The following KIRREL3 variants were observed in gnomAD, a reference collection of about 807,000 sequenced individuals.
The protein encoded by KIRREL3 is kin of IRRE-like protein 3.
Under a neutral mutation model 89.7 loss-of-function variants are expected in KIRREL3, and 36 were observed. The observed-to-expected ratio is 0.40, with a 90% CI of 0.31 to 0.53. The LOEUF (loss-of-function observed/expected upper bound fraction) is 0.53. Among genes scored for constraint, KIRREL3 ranks in the 20% least tolerant of loss-of-function variants. The pLI, the probability that KIRREL3 is intolerant of heterozygous loss-of-function variation, is 0.49. For missense variants in KIRREL3, 864 were observed against 1,056.6 expected (o/e 0.82, Z 2.53); for synonymous variants, 445 against 441.4 (o/e 1.01, Z -0.10).
At position 126,424,358 on chromosome 11, in the gene KIRREL3, C is replaced by A; in HGVS notation, c.*222G>T. 2 of 566,042 alleles carry A rather than the reference C, an allele frequency of 3.5e-6. No homozygotes were observed. Among genetic ancestry groups the A allele is most frequent in the Non-Finnish European group, 6.3e-6 (2 of 315,578 alleles). 35.1% of individuals were successfully genotyped at this position (566,042 alleles called of 1,614,324 possible). ...CTAAGCACAGCGCACTCAGCCGCAG[C>A]CTCTGTCTGTCTCCCCACCCGCCCA... On this transcript the variant is annotated 3_prime_UTR_variant, in exon 17 of 17. Coordinates refer to ENST00000525144, the MANE Select transcript of KIRREL3 (RefSeq NM_032531.4).
Position 126,655,220 on chromosome 11 carries a change from A to G in KIRREL3, c.56-92308T>C, listed in dbSNP as rs1417273014. On this transcript the variant is annotated intron_variant, in intron 1 of 16. Transcript: ENST00000525144. This position sits in a 1 kb window ranked among gnomAD's most constrained non-coding sequence, Gnocchi z 5.0. Reference sequence around the variant, plus strand: ...GGAGATTAGTCACTTGAGTCAGGATAATTTTTCCTGATGTCAAAGCCTCAC... The same window carrying G: ...GGAGATTAGTCACTTGAGTCAGGATGATTTTTCCTGATGTCAAAGCCTCAC... Among the ~76,000 whole-genome samples, 1 of 152,198 alleles carries G rather than the reference A, an allele frequency of 6.6e-6. No individual in the cohort carries two copies. The highest frequency in any genetic ancestry group is 2.4e-5 in the African/African-American group (1 of 41,436).
In KIRREL3 at chr11:126,446,808, G is replaced by T; in HGVS notation, c.1076C>A (p.Thr359Asn). ...GSDAIFSCAW[T>N]GNPSLTIVWM... Reference sequence around the variant, plus strand: ...GACGATGGTCAGGGATGGGTTGCCGGTCCAGGCGCAGCTGAAGATGGCATC... The same window carrying T: ...GACGATGGTCAGGGATGGGTTGCCGTTCCAGGCGCAGCTGAAGATGGCATC... Residue 359 changes from threonine (T) to asparagine (N), a missense_variant, in exon 9 of 17, where the codon ACC becomes AAC. By Grantham distance (65) the Thr-to-Asn change is moderately conservative (BLOSUM62 0). Coordinates refer to ENST00000525144, the MANE Select transcript of KIRREL3 (RefSeq NM_032531.4). 1 of 1,601,994 alleles carries T rather than the reference G, an allele frequency of 6.2e-7. No individual in the cohort carries two copies.
chr11:126,512,314 G>A (rs1958250979), intron 4 of KIRREL3, among the ~76,000 whole-genome samples: 1 of 152,206 alleles, frequency 6.6e-6, no homozygotes, highest in African/African-American at 2.4e-5. Flanking sequence ...AAGTACCTGC[G>A]TGCACCAGCG....
intron 1 of KIRREL3, among the ~76,000 whole-genome samples, chr11:126,959,009 T>C (rs758790073): frequency 2.0e-5 from 3 of 152,140 alleles, no homozygotes; most frequent in Non-Finnish European, 4.4e-5. Context: ...ATTCAATCAG[T>C]TGAAGGCTTG....
Position 126,473,802 on chromosome 11 carries a change from T to C in KIRREL3, c.434-336A>G, listed in dbSNP as rs573591530. ...ATGTCTGTGGCTGCTTTTTAACTTC[T>C]TTTTCCTTTTTTCGAGATGAAGTCT... On this transcript the variant is annotated intron_variant, in intron 4 of 16. Transcript: ENST00000525144. Among the ~76,000 whole-genome samples, 83 of 152,146 alleles carry C rather than the reference T, an allele frequency of 5.5e-4. 3 individuals are homozygous for C. The highest frequency in any genetic ancestry group is 2.0e-3 in the African/African-American group (82 of 41,512).
chr11:126,919,637 T>C (rs1203346993), intron 1 of KIRREL3, among the ~76,000 whole-genome samples: 1 of 152,216 alleles, frequency 6.6e-6, no homozygotes, highest in African/African-American at 2.4e-5. Context: ...CATGCTTCAC[T>C]TTGGTGACAC....
At chr11:126,794,833 A>G (rs187873349) in intron 1 of KIRREL3, among the ~76,000 whole-genome samples, 471 of 152,374 alleles carry the variant, frequency 3.1e-3, no homozygotes, top group Non-Finnish European at 5.4e-3. Context: ...ATTGCCAAAA[A>G]TGAAAGCAAC....
At position 126,436,889 on chromosome 11, in the gene KIRREL3, C is replaced by T. The variant is rs1210046793; in HGVS notation, c.1474G>A (p.Asp492Asn). The T allele has an allele frequency of 1.2e-6, 2 of 1,613,630 alleles. No homozygotes were observed. Among genetic ancestry groups the T allele is most frequent in the Non-Finnish European group, 1.7e-6 (2 of 1,179,854 alleles). The part of the protein sequence containing the change: ...TLTISNIVRA[D>N]FQTIYNCTAW... ...GTGCAGTTGTAGATGGTCTGGAAGT[C>T]GGCCCGCACGATGTTGCTGATGGTC... The change falls in exon 12 of 17, where the codon GAC (aspartate) becomes AAC (asparagine). Residue 492 changes from aspartate to asparagine, a missense_variant. By Grantham distance (23) the Asp-to-Asn change is conservative (BLOSUM62 1). Coordinates refer to ENST00000525144, the MANE Select transcript of KIRREL3 (RefSeq NM_032531.4).
rs185960465 is a variant in KIRREL3, at chr11:126,958,170, C to A, written c.55+42285G>T. The stretch of plus-strand genomic sequence containing the variant: ...GTTAACTGATTTCTTCTAGTAGTTG[C>A]AGTTTAAAAAATAATAATAAAAGGA... On this transcript the variant is annotated intron_variant, in intron 1 of 16. Coordinates refer to ENST00000525144, the MANE Select transcript of KIRREL3 (RefSeq NM_032531.4). Among the ~76,000 whole-genome samples, 31 of 152,244 alleles carry A rather than the reference C, an allele frequency of 2.0e-4. No homozygotes were observed. In the East Asian group the frequency reaches 5.2e-3, roughly 26 times the overall value.
At position 126,805,453 on chromosome 11, in the gene KIRREL3, G is replaced by C. The variant is rs12420481; in HGVS notation, c.55+195002C>G. Among the ~76,000 whole-genome samples the C allele has an allele frequency of 0.24, 36,956 of 152,082 alleles. 4,911 individuals carry two copies. Among genetic ancestry groups the C allele is most frequent in the Non-Finnish European group, 0.31 (20,969 of 67,966 alleles). On this transcript the variant is annotated intron_variant, in intron 1 of 16. Transcript: ENST00000525144. The surrounding 1 kb of genome is among the most constrained non-coding windows in gnomAD (Gnocchi z 4.3). ...TAGACAGTTTCCCACACAAGCCTCA[G>C]CCCATCTCATCTGGTTTTGTTCTGA...
Position 126,458,097 on chromosome 11 carries a change from C to T in KIRREL3, c.743-1643G>A, listed in dbSNP as rs75084205. 9.3e-3 allele frequency among the ~76,000 whole-genome samples: 1,419 copies of T among 152,248 alleles called. 17 individuals are homozygous for T. The highest frequency in any genetic ancestry group is 0.031 in the African/African-American group (1,284 of 41,548). On this transcript the variant is annotated intron_variant, in intron 6 of 16. Coordinates refer to ENST00000525144, the MANE Select transcript of KIRREL3 (RefSeq NM_032531.4). ...TTCCCATCCTTTTTCCCTGTCATGG[C>T]CCAGAGCTCTGGCTGAGTTGAGTGG...
At position 126,601,609 on chromosome 11, in the gene KIRREL3, T is replaced by C. The variant is rs1942657339; in HGVS notation, c.56-38697A>G. Reference sequence around the variant, plus strand: ...CTTCTACCTCAACACTCCGCCAGGTTTTCTCCTTATGGCACCTGAGAGAAC... The same window carrying C: ...CTTCTACCTCAACACTCCGCCAGGTCTTCTCCTTATGGCACCTGAGAGAAC... On this transcript the variant is annotated intron_variant, in intron 1 of 16. Transcript: ENST00000525144. The surrounding 1 kb of genome is among the most constrained non-coding windows in gnomAD (Gnocchi z 5.8). Among the ~76,000 whole-genome samples the C allele has an allele frequency of 6.6e-6, 1 of 152,116 alleles. No individual in the cohort carries two copies. Among genetic ancestry groups the C allele is most frequent in the Non-Finnish European group, 1.5e-5 (1 of 68,018 alleles).
intron 1 of KIRREL3, among the ~76,000 whole-genome samples, chr11:126,880,077 T>A (rs1178704631): frequency 6.6e-6 from 1 of 152,224 alleles, no homozygotes; most frequent in Non-Finnish European, 1.5e-5. Flanking sequence ...TGTCCTTTCT[T>A]GGATGAATGG....
At position 126,486,631 on chromosome 11, in the gene KIRREL3, T is replaced by C. The variant is rs1957367062; in HGVS notation, c.434-13165A>G. On this transcript the variant is annotated intron_variant, in intron 4 of 16. Coordinates refer to ENST00000525144, the MANE Select transcript of KIRREL3 (RefSeq NM_032531.4). The surrounding 1 kb of genome is among the most constrained non-coding windows in gnomAD (Gnocchi z 6.2). The stretch of plus-strand genomic sequence containing the variant: ...GGCTGCCGTGGACTTGTATAATCCA[T>C]GCTTCATGGTATGGTGGGCCCTTGC... Among the ~76,000 whole-genome samples the C allele has an allele frequency of 6.6e-6, 1 of 152,228 alleles. No homozygotes were observed. The highest frequency in any genetic ancestry group is 1.5e-5 in the Non-Finnish European group (1 of 68,042).
At chr11:126,813,221 G>T (rs574699444) in intron 1 of KIRREL3, among the ~76,000 whole-genome samples, 16 of 152,282 alleles carry the variant, frequency 1.1e-4, no homozygotes, top group African/African-American at 3.9e-4. Flanking sequence ...TACTTGGGAG[G>T]CATGAAGATG....
rs532681613 is a variant in KIRREL3 at position 126,503,856 on chromosome 11, T to G, written c.433+17459A>C. 2.0e-5 allele frequency among the ~76,000 whole-genome samples: 3 copies of G among 151,250 alleles called. No individual in the cohort carries two copies. In the South Asian group the frequency reaches 6.3e-4, roughly 32 times the overall value. ...CTCTCTCTTTCTCCCTTTATCTCCC[T>G]CTTCCTCTTTCTCCCTCTCCCTCTT... On this transcript the variant is annotated intron_variant, in intron 4 of 16. Coordinates refer to ENST00000525144, the MANE Select transcript of KIRREL3 (RefSeq NM_032531.4).
At chr11:126,829,750 T>C (rs1004734570) in intron 1 of KIRREL3, among the ~76,000 whole-genome samples, 4 of 152,210 alleles carry the variant, frequency 2.6e-5, no homozygotes, top group African/African-American at 9.7e-5. Flanking sequence ...TTGAAGAGCT[T>C]ACAGTATACA....
chr11:126,662,468 C>T (rs1432778369), intron 1 of KIRREL3, among the ~76,000 whole-genome samples: 8 of 152,094 alleles, frequency 5.3e-5, no homozygotes, highest in South Asian at 2.1e-4. Context: ...TTCTAGAGGC[C>T]GGGAAGTGCA....
intron 1 of KIRREL3, among the ~76,000 whole-genome samples, chr11:126,801,264 T>TG (rs1382419349): frequency 6.6e-6 from 1 of 152,212 alleles, no homozygotes. Context: ...TGACAATTTT[T>TG]GGGTCTTTGG....
Sources: allele counts gnomAD v4.1 joint callset (sites outside exome capture counted in the v4.1 genomes callset), GRCh38; gene constraint gnomAD v4.1.1; non-coding constraint Gnocchi (gnomAD v3.1); transcripts MANE v1.5; gene names NCBI Gene and HGNC (gene_info 2026-07-23, HGNC 2026-07-21).